The following SSX3 variants were observed in gnomAD, a reference collection of about 807,000 sequenced individuals.
SSX3 encodes the protein protein SSX3.
In SSX3, 6 loss-of-function variants were observed where a neutral mutation model predicts 14.8. The ratio of observed to expected loss-of-function variants is 0.41; its 90% CI spans 0.22 to 0.80. The LOEUF (loss-of-function observed/expected upper bound fraction) is 0.80. Ranked by LOEUF, SSX3 falls within the 30% of genes least tolerant of loss-of-function variation. The pLI is 0.34. For missense variants in SSX3, 163 were observed against 152.2 expected, an observed-to-expected ratio of 1.07 and a Z score of -0.37; for synonymous variants, 55 against 52.9, an observed-to-expected ratio of 1.04 and a Z score of -0.18.
At chrX:48,350,414 T>C in intron 5 of SSX3, among the ~76,000 whole-genome samples, 1 of 111,478 alleles carries the variant, frequency 9.0e-6, no homozygotes, top group African/African-American at 3.3e-5. Context: ...ATACAGATGA[T>C]TTGGAGAAGA....
At chrX:48,351,946 T>C in intron 5 of SSX3, 154 bp downstream of exon 5, 1 of 649,290 alleles carries the variant, frequency 1.5e-6, no homozygotes, top group South Asian at 2.6e-5. Context: ...CAAATGTTGG[T>C]ACTATCAAGC....
chrX:48,352,416 T>G (rs1449200597), intron 4 of SSX3, among the ~76,000 whole-genome samples: 11 of 112,452 alleles, frequency 9.8e-5, no homozygotes, highest in African/African-American at 3.6e-4. Flanking sequence ...TATCTTTTAC[T>G]TTTTCCCAAA....
chrX:48,354,021 A>G lies in SSX3; in HGVS notation c.258T>C (p.Asn86=), dbSNP rs1470759503. The part of the protein sequence containing the change: ...VTDFQGNDFD[N]DPNRGNQVQR... ...CACCCTGATTCCCACGGTTAGGGTCATTATCAAAATCATTCCCCTGGAAGT... is the reference window on the plus strand; with the variant it reads ...CACCCTGATTCCCACGGTTAGGGTCGTTATCAAAATCATTCCCCTGGAAGT... Residue 86 remains asparagine (N), a synonymous_variant, in exon 4 of 8, where the codon AAT becomes AAC. Coordinates refer to ENST00000298396, the MANE Select transcript of SSX3 (RefSeq NM_021014.4). 8.3e-7 allele frequency: 1 copy of G among 1,209,599 alleles called. No individual in the cohort carries two copies. The highest frequency in any genetic ancestry group is 1.7e-5 in the African/African-American group (1 of 57,567).
rs1355511195 is a variant in SSX3, at chrX:48,352,127, G to A, written c.303C>T (p.Phe101=). ...GNQVQRPQMT[F]GRLQGIFPKI... is the part of the protein sequence containing the mutation. The stretch of plus-strand genomic sequence containing the variant: ...TCGGGAAGATTCCCTGGAGCCTGCC[G>A]AAAGTCATCTGAGGACGTTGAACTG... Residue 101 remains phenylalanine, a synonymous_variant, in exon 5 of 8, where the codon TTC becomes TTT. Coordinates refer to ENST00000298396, the MANE Select transcript of SSX3 (RefSeq NM_021014.4). 2.5e-6 allele frequency: 3 copies of A among 1,208,376 alleles called. No homozygotes were observed. The highest frequency in any genetic ancestry group is 3.4e-6 in the Non-Finnish European group (3 of 893,804).
intron 4 of SSX3, 75 bp downstream of exon 4, chrX:48,353,924 C>T: frequency 9.5e-7 from 1 of 1,055,961 alleles, no homozygotes; most frequent in Non-Finnish European, 1.3e-6. Context: ...ATGCCTGAGG[C>T]TCTTTCCCAG....
intron 4 of SSX3, among the ~76,000 whole-genome samples, 176 bp downstream of exon 4, chrX:48,353,823 T>C (rs1410208885): frequency 9.4e-6 from 1 of 106,534 alleles, no homozygotes; most frequent in Admixed American, 9.9e-5. Flanking sequence ...TTCTTTTGCA[T>C]GTTTTAAAAT....
chrX:48,350,183 C>T, intron 5 of SSX3, 61 bp from the exon 6 acceptor site: 3 of 1,193,624 alleles, frequency 2.5e-6, no homozygotes, highest in Non-Finnish European at 3.4e-6. Flanking sequence ...TGCTTTTGAG[C>T]TTACAAAGGG....
At chrX:48,356,248 T>G (rs1299843149) in intron 1 of SSX3, among the ~76,000 whole-genome samples, 1 of 111,148 alleles carries the variant, frequency 9.0e-6, no homozygotes, top group Non-Finnish European at 1.9e-5. Context: ...GCAGGAAAGA[T>G]TTGAGTGATT....
chrX:48,351,358 G>C (rs1280364565), intron 5 of SSX3, among the ~76,000 whole-genome samples: 1 of 111,390 alleles, frequency 9.0e-6, no homozygotes, highest in African/African-American at 3.3e-5. Context: ...GACGCCCCAG[G>C]TGCAGACAAG....
chrX:48,347,906 A>T (rs1438897481), intron 6 of SSX3, among the ~76,000 whole-genome samples: 3 of 112,040 alleles, frequency 2.7e-5, no homozygotes, highest in African/African-American at 6.5e-5. Context: ...TTAAAGCCAC[A>T]CAGGCATACC....
Position 48,346,863 on chromosome X carries a change from C to T in SSX3, c.*177G>A. On this transcript the variant is annotated 3_prime_UTR_variant, in exon 8 of 8. Transcript: ENST00000298396. ...ACTTCAAGAAAATACAATGGAAACG[C>T]TAATATCGTACTCTTGGCACACTAA... 1 of 812,648 alleles carries T rather than the reference C, an allele frequency of 1.2e-6. No homozygotes were observed. Among genetic ancestry groups the T allele is most frequent in the Middle Eastern group, 4.2e-4 (1 of 2,391 alleles). 67.0% of individuals were successfully genotyped at this position (812,648 alleles called of 1,213,427 possible). A position where few individuals can be genotyped will look rare whatever the true frequency, so the allele number is the denominator to read the frequency against.
At chrX:48,351,445 C>G (rs1465843956) in intron 5 of SSX3, among the ~76,000 whole-genome samples, 3 of 112,315 alleles carry the variant, frequency 2.7e-5, no homozygotes, top group Admixed American at 9.4e-5. Context: ...CCCAGTAACA[C>G]AGCAGAGACC....
chrX:48,349,417 T>C, intron 6 of SSX3: 1 of 839,021 alleles, frequency 1.2e-6, no homozygotes, highest in Non-Finnish European at 1.6e-6. Context: ...AACAATGAAT[T>C]ATTTTAAAAT....
intron 4 of SSX3, among the ~76,000 whole-genome samples, chrX:48,353,496 G>A (rs782550151): frequency 5.4e-5 from 6 of 111,178 alleles, no homozygotes; most frequent in African/African-American, 9.8e-5. Context: ...GTGGGGGCAC[G>A]TGCGTGTAAC....
chrX:48,347,142 C>G, intron 7 of SSX3, 107 bp from the exon 8 acceptor site: 1 of 1,035,319 alleles, frequency 9.7e-7, no homozygotes, highest in Non-Finnish European at 1.3e-6. Flanking sequence ...CCGATTCTGC[C>G]CTATCTCAGG....
chrX:48,346,865 A>C lies in SSX3; in HGVS notation c.*175T>G. The C allele has an allele frequency of 1.2e-6, 1 of 819,295 alleles. No homozygotes were observed. The highest frequency in any genetic ancestry group is 1.8e-6 in the Non-Finnish European group (1 of 559,468). The allele number at this position is 819,295 out of a possible 1,213,427, so 67.5% of individuals were successfully genotyped here. A position where few individuals can be genotyped will look rare whatever the true frequency, so the allele number is the denominator to read the frequency against. ...TTCAAGAAAATACAATGGAAACGCT[A>C]ATATCGTACTCTTGGCACACTAAGA... On this transcript the variant is annotated 3_prime_UTR_variant, in exon 8 of 8. Coordinates refer to ENST00000298396, the MANE Select transcript of SSX3 (RefSeq NM_021014.4).
intron 1 of SSX3, 135 bp from the exon 2 acceptor site, chrX:48,355,404 G>T: frequency 3.4e-6 from 2 of 594,732 alleles, no homozygotes; most frequent in Non-Finnish European, 2.7e-6. Context: ...ATCTGTCCCT[G>T]AGTAAGGATA....
chrX:48,349,776 A>G (rs1556949221), intron 6 of SSX3: 3 of 1,129,741 alleles, frequency 2.7e-6, no homozygotes, highest in Non-Finnish European at 3.5e-6. Context: ...AATTTGGAAG[A>G]CTTTCCTCAA....
chrX:48,353,344 C>T (rs2061271361), intron 4 of SSX3, among the ~76,000 whole-genome samples: 1 of 111,184 alleles, frequency 9.0e-6, no homozygotes, highest in Non-Finnish European at 1.9e-5. Flanking sequence ...TGCAAACAGG[C>T]CGGGCGTGGT....
Sources: allele counts gnomAD v4.1 joint callset (sites outside exome capture counted in the v4.1 genomes callset), GRCh38; gene constraint gnomAD v4.1.1; transcripts MANE v1.5; gene names NCBI Gene and HGNC (gene_info 2026-07-23, HGNC 2026-07-21).